Variants in IFT140 observed in about 807,000 individuals in gnomAD.
IFT140 encodes the protein intraflagellar transport protein 140 homolog.
A neutral mutation model predicts 164.6 loss-of-function variants in IFT140; 133 were observed. That is an observed-to-expected ratio of 0.81 (90% CI 0.70 to 0.93). The LOEUF is 0.93. Ranked by LOEUF, IFT140 falls within the 40% of genes least tolerant of loss-of-function variation. The probability of loss-of-function intolerance (pLI) is 0.00; values close to 1 mark genes in which losing one functional copy is unlikely to be tolerated. For missense variants in IFT140, 2,045 were observed against 1,972.3 expected, an observed-to-expected ratio of 1.04 and a Z score of -0.70; for synonymous variants, 860 against 817.3, an observed-to-expected ratio of 1.05 and a Z score of -0.89.
Position 1,584,321 on chromosome 16 carries a change from C to T in IFT140, c.1255G>A (p.Ala419Thr), listed in dbSNP as rs769337607. The change falls in exon 11 of 31, where the codon GCC (alanine) becomes ACC (threonine). Residue 419 changes from alanine to threonine, a missense_variant. By Grantham distance (58) the Ala-to-Thr change is moderately conservative (BLOSUM62 0). Coordinates refer to ENST00000426508, the MANE Select transcript of IFT140 (RefSeq NM_014714.4). ...AGCAGACTCGGGGAGACCTGCATGG[C>T]GGCCACTTGCTGGTGGAAGTGTGAC... ...MSSHFHQQVAAMQVSPSLLNV... is the reference protein window; with the variant it reads ...MSSHFHQQVATMQVSPSLLNV... 63 of 1,613,436 alleles carry T rather than the reference C, an allele frequency of 3.9e-5. No homozygotes were observed. The highest frequency in any genetic ancestry group is 8.9e-5 in the East Asian group (4 of 44,886).
At position 1,583,311 on chromosome 16, in the gene IFT140, C is replaced by G. The variant is rs2034676909; in HGVS notation, c.1432+3G>C. The G allele has an allele frequency of 1.2e-6, 2 of 1,613,812 alleles. No homozygotes were observed. The highest frequency in any genetic ancestry group is 1.1e-5 in the South Asian group (1 of 91,076). On this transcript the variant is annotated splice_donor_region_variant and intron_variant, in intron 12 of 30. Transcript: ENST00000426508. The stretch of plus-strand genomic sequence containing the variant: ...TGCCTCTGTCCGGGTGAAAAGAACC[C>G]ACCTGCACTCCGTATCGCGGCTCCA...
In IFT140 at chr16:1,587,256, C is replaced by T. The variant is rs2141851936; in HGVS notation, c.951G>A (p.Glu317=). The change falls in exon 9 of 31, where the codon GAG becomes GAA. Residue 317 remains glutamate (E), a synonymous_variant. Coordinates refer to ENST00000426508, the MANE Select transcript of IFT140 (RefSeq NM_014714.4). Reference sequence around the variant, plus strand: ...TCTCTCCTTTCTCAAAGCCAAACTTCTCATCTGGACTCAGTATATAATTCT... The same window carrying T: ...TCTCTCCTTTCTCAAAGCCAAACTTTTCATCTGGACTCAGTATATAATTCT... ...RGENYILSPD[E]KFGFEKGENM... is the part of the protein sequence containing the mutation. 6.2e-7 allele frequency: 1 copy of T among 1,613,114 alleles called. No homozygotes were observed. The highest frequency in any genetic ancestry group is 8.5e-7 in the Non-Finnish European group (1 of 1,179,106).
At chr16:1,609,628 G>A (rs532657032) in intron 2 of IFT140, among the ~76,000 whole-genome samples, 1 of 152,196 alleles carries the variant, frequency 6.6e-6, no homozygotes, top group African/African-American at 2.4e-5. Flanking sequence ...TCTTCCTGTT[G>A]TATCAATATA....
At chr16:1,515,036 A>C (rs1167706731) in intron 30 of IFT140, among the ~76,000 whole-genome samples, 1 of 152,174 alleles carries the variant, frequency 6.6e-6, no homozygotes, top group East Asian at 1.9e-4. Context: ...GATAAATACA[A>C]ATTAATCCAA....
chr16:1,586,110 A>G lies in IFT140; in HGVS notation c.1155+20T>C. On this transcript the variant is annotated intron_variant, in intron 10 of 30. Coordinates refer to ENST00000426508, the MANE Select transcript of IFT140 (RefSeq NM_014714.4). ...CATGCAGCAGAAAATGAGTGCACCG[A>G]ACACCCTTGGAGGCTGTACCTGGAT... The G allele has an allele frequency of 1.9e-6, 3 of 1,609,342 alleles. No individual in the cohort carries two copies. The South Asian group carries it at 3.3e-5, about 18-fold the overall frequency.
chr16:1,544,695 C>G lies in IFT140; in HGVS notation c.2399+13240G>C, dbSNP rs952400482. On this transcript the variant is annotated intron_variant, in intron 19 of 30. Coordinates refer to ENST00000426508, the MANE Select transcript of IFT140 (RefSeq NM_014714.4). ...ATGGAGTCTCGCCCTGTGGCCCAGG[C>G]TGGAGTGCAGTGGCGCGATCTCGGC... is the stretch of plus-strand genomic sequence containing the variant. Among the ~76,000 whole-genome samples, 5 of 151,952 alleles carry G rather than the reference C, an allele frequency of 3.3e-5. No homozygotes were observed. The South Asian group carries it at 1.0e-3, about 31-fold the overall frequency.
In IFT140 at chr16:1,580,851, C is replaced by T. The variant is rs1347852876; in HGVS notation, c.1433-1G>A. 6.2e-7 allele frequency: 1 copy of T among 1,610,530 alleles called. No individual in the cohort carries two copies. The highest frequency in any genetic ancestry group is 8.5e-7 in the Non-Finnish European group (1 of 1,176,950). ...ACAGGCGTCTCACACAAGAAGGTCC[C>T]TAAAATGAAAGACGAACATCAGGAT... On this transcript the variant is annotated splice_acceptor_variant, in intron 12 of 30. Transcript: ENST00000426508. LOFTEE classifies it high-confidence loss of function.
Position 1,553,872 on chromosome 16 carries a change from C to T in IFT140, c.2399+4063G>A, listed in dbSNP as rs571256851. On this transcript the variant is annotated intron_variant, in intron 19 of 30. Transcript: ENST00000426508. The surrounding 1 kb of genome is among the most constrained non-coding windows in gnomAD (Gnocchi z 4.4). ...GTCCTGTTATCCTAGTTGGTAGACT[C>T]TAGTCACGAAACCCTGATTTTCCTG... The T allele has an allele frequency of 5.6e-5, 70 of 1,251,712 alleles. 2 individuals are homozygous for T. The East Asian group carries it at 1.7e-3, about 30-fold the overall frequency. 77.5% of individuals were successfully genotyped at this position (1,251,712 alleles called of 1,614,324 possible).
At chr16:1,570,370 G>A (rs2033953156) in intron 14 of IFT140, among the ~76,000 whole-genome samples, 1 of 152,152 alleles carries the variant, frequency 6.6e-6, no homozygotes, top group Non-Finnish European at 1.5e-5. Flanking sequence ...TGTTCATGCT[G>A]ACACCTCTAC....
intron 3 of IFT140, among the ~76,000 whole-genome samples, chr16:1,604,763 T>C (rs1484965163): frequency 6.6e-6 from 1 of 151,212 alleles, no homozygotes; most frequent in African/African-American, 2.4e-5. Flanking sequence ...AGCAGCAGAC[T>C]CGCCAGAGGT....
Position 1,523,586 on chromosome 16 carries a change from A to G in IFT140, c.3385T>C (p.Cys1129Arg), listed in dbSNP as rs886051709. 4 of 1,613,838 alleles carry G rather than the reference A, an allele frequency of 2.5e-6. No individual in the cohort carries two copies. The highest frequency in any genetic ancestry group is 1.6e-4 in the Middle Eastern group (1 of 6,062). Residue 1129 changes from cysteine to arginine, a missense_variant, in exon 26 of 31, where the codon TGC becomes CGC. Coordinates refer to ENST00000426508, the MANE Select transcript of IFT140 (RefSeq NM_014714.4). ...ETSDPALLAR[C>R]SDFFIEHSQY... Reference sequence around the variant, plus strand: ...CTGTGCTCGATGAAGAAGTCGGAGCAGCGGGCCAGGAGCGCAGGGTCTGAC... The same window carrying G: ...CTGTGCTCGATGAAGAAGTCGGAGCGGCGGGCCAGGAGCGCAGGGTCTGAC...
At chr16:1,580,226 T>G (rs1394350702) in intron 13 of IFT140, 1 of 152,398 alleles carries the variant, frequency 6.6e-6, no homozygotes, top group Non-Finnish European at 1.5e-5. Flanking sequence ...ATTAAACAGC[T>G]GTCCTAGGAT....
chr16:1,571,769 A>T (rs2034027280), intron 13 of IFT140, among the ~76,000 whole-genome samples: 1 of 152,136 alleles, frequency 6.6e-6, no homozygotes, highest in East Asian at 1.9e-4. Flanking sequence ...CCCTGTCCTC[A>T]GGAGAGCTCT....
chr16:1,526,963 C>A (rs1032596275), intron 19 of IFT140, 167 bp from the exon 20 acceptor site: 3 of 687,978 alleles, frequency 4.4e-6, no homozygotes, highest in Non-Finnish European at 7.0e-6. Context: ...GCAGGCCATG[C>A]AGAGAGGTGC....
intron 21 of IFT140, among the ~76,000 whole-genome samples, chr16:1,525,658 C>T (rs952016677): frequency 1.3e-5 from 2 of 152,238 alleles, no homozygotes; most frequent in African/African-American, 4.8e-5. Context: ...ACCAATGGGA[C>T]AGACATCTTT....
chr16:1,570,352 C>T (rs2033952651), intron 14 of IFT140, among the ~76,000 whole-genome samples: 1 of 152,154 alleles, frequency 6.6e-6, no homozygotes, highest in Non-Finnish European at 1.5e-5. Flanking sequence ...TACATGAAGC[C>T]AGGGATTTGT....
At position 1,525,930 on chromosome 16, in the gene IFT140, C is replaced by T. The variant is rs201100248; in HGVS notation, c.2725G>A (p.Gly909Arg). 117 of 1,570,868 alleles carry T rather than the reference C, an allele frequency of 7.4e-5. No homozygotes were observed. In the Middle Eastern group the frequency reaches 1.4e-3, roughly 19 times the overall value. ...HLRSTYHRYAGHLEASADCSR... is the reference protein window; with the variant it reads ...HLRSTYHRYARHLEASADCSR... ...CAGTCGGCGCTGGCCTCCAGGTGCC[C>T]GGCATAGCGGTGGTAGGTGCTGCGC... The change falls in exon 21 of 31, where the codon GGG becomes AGG. Residue 909 changes from glycine to arginine, a missense_variant. Transcript: ENST00000426508.
intron 19 of IFT140, chr16:1,532,297 G>C (rs960155706): frequency 6.6e-6 from 1 of 152,314 alleles, no homozygotes; most frequent in Admixed American, 6.5e-5. Flanking sequence ...GAAACCTGAC[G>C]GACACGTCTG....
chr16:1,542,397 T>C (rs1032161101), intron 19 of IFT140, among the ~76,000 whole-genome samples: 1 of 152,214 alleles, frequency 6.6e-6, no homozygotes, highest in Non-Finnish European at 1.5e-5. Context: ...TGACTGGCCC[T>C]TGTGCAGTCC....
Sources: gnomAD v4.1 joint callset for allele counts (sites outside exome capture counted in the v4.1 genomes callset) on GRCh38, gnomAD v4.1.1 for gene constraint, Gnocchi (gnomAD v3.1) non-coding constraint, MANE v1.5 for transcripts, NCBI Gene and HGNC (gene_info 2026-07-23, HGNC 2026-07-21) for gene names.